The following DNER variants were observed in gnomAD, a reference collection of about 807,000 sequenced individuals.
DNER encodes the protein delta/notch like EGF repeat containing, also known as delta and Notch-like epidermal growth factor-related receptor.
Under a neutral mutation model 78.2 loss-of-function variants are expected in DNER, and 33 were observed. That is an observed-to-expected ratio of 0.42 (90% confidence interval 0.32 to 0.56). The LOEUF is 0.56. Ranked by LOEUF, DNER falls within the 20% of genes least tolerant of loss-of-function variation. The pLI is 0.11. For missense variants in DNER, 918 were observed against 975.3 expected (o/e 0.94, Z 0.78); for synonymous variants, 417 against 384.8 (o/e 1.08, Z -0.98).
intron 11 of DNER, among the ~76,000 whole-genome samples, chr2:229,378,816 C>T (rs1295579606): frequency 1.3e-5 from 2 of 152,106 alleles, no homozygotes; most frequent in Non-Finnish European, 2.9e-5. Context: ...ACCAAATGTA[C>T]GAATTCTGTG....
intron 10 of DNER, among the ~76,000 whole-genome samples, chr2:229,392,718 G>T (rs1361140092): frequency 1.3e-5 from 2 of 151,978 alleles, no homozygotes; most frequent in African/African-American, 4.8e-5. Context: ...CTTAGTAATG[G>T]GGCACAACTA....
At chr2:229,676,293 C>T (rs1269651872) in intron 1 of DNER, among the ~76,000 whole-genome samples, 3 of 152,218 alleles carry the variant, frequency 2.0e-5, no homozygotes, top group Non-Finnish European at 4.4e-5. Context: ...CCCGATAGGG[C>T]CAGGCTTCGA....
At chr2:229,405,883 T>TG (rs1693369358) in intron 10 of DNER, among the ~76,000 whole-genome samples, 1 of 152,188 alleles carries the variant, frequency 6.6e-6, no homozygotes, top group Non-Finnish European at 1.5e-5. Context: ...TAAGAATATC[T>TG]GGGGAAAAAA....
intron 1 of DNER, among the ~76,000 whole-genome samples, chr2:229,655,390 T>C (rs1231405252): frequency 6.6e-6 from 1 of 152,138 alleles, no homozygotes; most frequent in Non-Finnish European, 1.5e-5. Context: ...AAAAACCTCC[T>C]GGAGTGTTAG....
chr2:229,677,631 T>G lies in DNER; in HGVS notation c.276+36517A>C, dbSNP rs545492646. On this transcript the variant is annotated intron_variant, in intron 1 of 12. Transcript: ENST00000341772. ...GGGTGGAAGGGTGATTACAATGAATTTTTTTTAATCTACATTGGTTGTAAT... is the reference window on the plus strand; with the variant it reads ...GGGTGGAAGGGTGATTACAATGAATGTTTTTTAATCTACATTGGTTGTAAT... 1.3e-3 allele frequency among the ~76,000 whole-genome samples: 204 copies of G among 152,284 alleles called. 1 individual carries two copies. Among genetic ancestry groups the G allele is most frequent in the African/African-American group, 4.8e-3 (201 of 41,566 alleles).
chr2:229,435,079 C>G (rs1476263437), intron 8 of DNER, among the ~76,000 whole-genome samples: 1 of 152,090 alleles, frequency 6.6e-6, no homozygotes, highest in African/African-American at 2.4e-5. Context: ...AGTCTATAAG[C>G]TTGGCCCTGT....
intron 1 of DNER, among the ~76,000 whole-genome samples, chr2:229,667,290 C>T (rs1396438958): frequency 1.3e-5 from 2 of 152,118 alleles, no homozygotes; most frequent in East Asian, 3.9e-4. Flanking sequence ...GAAAGGATTG[C>T]ACAGCACTAT....
intron 1 of DNER, among the ~76,000 whole-genome samples, chr2:229,603,950 C>T (rs1697882835): frequency 6.6e-6 from 1 of 152,138 alleles, no homozygotes; most frequent in Non-Finnish European, 1.5e-5. Context: ...GATTTTCCTC[C>T]CAGGTAAGAA....
intron 4 of DNER, among the ~76,000 whole-genome samples, chr2:229,584,643 C>T (rs972001443): frequency 3.3e-5 from 5 of 152,064 alleles, no homozygotes; most frequent in South Asian, 2.1e-4. Flanking sequence ...TACGCCAAAG[C>T]GGAGGAATTA....
At chr2:229,619,470 G>T (rs555056515) in intron 1 of DNER, among the ~76,000 whole-genome samples, 66 of 152,214 alleles carry the variant, frequency 4.3e-4, no homozygotes, top group Admixed American at 9.2e-4. Context: ...TATATGAAAG[G>T]GAGCAACATG....
At chr2:229,538,369 A>G (rs940367727) in intron 5 of DNER, among the ~76,000 whole-genome samples, 1 of 152,044 alleles carries the variant, frequency 6.6e-6, no homozygotes, top group East Asian at 1.9e-4. Flanking sequence ...AGAAAAATGT[A>G]TATATATTTT....
intron 1 of DNER, among the ~76,000 whole-genome samples, chr2:229,682,607 G>T (rs989095327): frequency 6.6e-6 from 1 of 152,190 alleles, no homozygotes; most frequent in Non-Finnish European, 1.5e-5. Flanking sequence ...CAGCACTTTG[G>T]GAGGTCGAGG....
Position 229,684,236 on chromosome 2 carries a change from C to G in DNER, c.276+29912G>C, listed in dbSNP as rs115593251. On this transcript the variant is annotated intron_variant, in intron 1 of 12. Coordinates refer to ENST00000341772, the MANE Select transcript of DNER (RefSeq NM_139072.4). ...TTGGGGCTAAGGAAAGGCACAGTGT[C>G]AGGCAGGGCTTCCAATAGGAGGTGA... Among the ~76,000 whole-genome samples, 1,221 of 140,366 alleles carry G rather than the reference C, an allele frequency of 8.7e-3. 11 individuals are homozygous for G. Among genetic ancestry groups the G allele is most frequent in the African/African-American group, 0.032 (1,153 of 36,318 alleles). 92.1% of individuals were successfully genotyped at this position (140,366 alleles called of 152,430 possible). A position where few individuals can be genotyped will look rare whatever the true frequency, so the allele number is the denominator to read the frequency against.
chr2:229,586,063 G>GA, intron 3 of DNER, 39 bp from the exon 4 acceptor site: 2 of 1,564,170 alleles, frequency 1.3e-6, no homozygotes, highest in Non-Finnish European at 1.7e-6. Context: ...GCTCCTTTCA[G>GA]AAAAATTCAT....
chr2:229,564,768 CAT>C (rs1697069861), intron 4 of DNER, among the ~76,000 whole-genome samples: 1 of 152,136 alleles, frequency 6.6e-6, no homozygotes, highest in African/African-American at 2.4e-5. Flanking sequence ...AAGCAACCAA[CAT>C]GTATTTAAAA....
At chr2:229,596,977 G>GCACA in intron 1 of DNER, among the ~76,000 whole-genome samples, 1 of 151,470 alleles carries the variant, frequency 6.6e-6, no homozygotes, top group Middle Eastern at 3.4e-3. Context: ...GCACACACCT[G>GCACA]CGCACACACA....
intron 1 of DNER, among the ~76,000 whole-genome samples, chr2:229,712,768 A>G (rs979592194): frequency 9.9e-5 from 15 of 152,220 alleles, no homozygotes; most frequent in African/African-American, 3.4e-4. Flanking sequence ...TGAGGCTCAC[A>G]TCACACAAAT....
At chr2:229,381,776 A>G (rs1205930323) in intron 11 of DNER, among the ~76,000 whole-genome samples, 1 of 152,240 alleles carries the variant, frequency 6.6e-6, no homozygotes, top group Admixed American at 6.5e-5. Context: ...CAGCAGCCTC[A>G]GTAAGGAGCT....
chr2:229,414,416 G>C (rs1047764524), intron 9 of DNER, among the ~76,000 whole-genome samples: 1 of 151,984 alleles, frequency 6.6e-6, no homozygotes, highest in Non-Finnish European at 1.5e-5. Flanking sequence ...ACAGGCACCC[G>C]CCACCACACC....
Sources: allele counts gnomAD v4.1 joint callset (sites outside exome capture counted in the v4.1 genomes callset), GRCh38; gene constraint gnomAD v4.1.1; transcripts MANE v1.5; gene names NCBI Gene and HGNC (gene_info 2026-07-23, HGNC 2026-07-21).